PKIG: variants seen among roughly 807,000 people sequenced by gnomAD.
PKIG encodes protein kinase (cAMP-dependent, catalytic) inhibitor gamma.
Under a neutral mutation model 6.8 loss-of-function variants are expected in PKIG, and 1 was observed. The ratio of observed to expected loss-of-function variants is 0.15; its 90% CI spans 0.05 to 0.69. PKIG has a LOEUF of 0.69. PKIG is among the 30% of genes least tolerant of loss of function. PKIG has a pLI of 0.82. For missense variants in PKIG, 77 were observed against 104.0 expected (o/e 0.74, Z 1.13); for synonymous variants, 39 against 43.0 (o/e 0.91, Z 0.36).
At chr20:44,547,672 A>G (rs757388100) in intron 1 of PKIG, among the ~76,000 whole-genome samples, 1 of 152,188 alleles carries the variant, frequency 6.6e-6, no homozygotes, top group Non-Finnish European at 1.5e-5. Context: ...TAACTTGGTG[A>G]CTTTGGACAC....
At chr20:44,588,223 A>G (rs1257657355) in intron 1 of PKIG, among the ~76,000 whole-genome samples, 2 of 152,270 alleles carry the variant, frequency 1.3e-5, no homozygotes, top group Admixed American at 6.5e-5. Context: ...GATGTTAAAT[A>G]TAACAGGCAT....
At chr20:44,543,685 C>T (rs2064583292) in intron 1 of PKIG, among the ~76,000 whole-genome samples, 1 of 152,154 alleles carries the variant, frequency 6.6e-6, no homozygotes, top group Non-Finnish European at 1.5e-5. Context: ...TGGCTTCTTC[C>T]TCAGGCTAGC....
chr20:44,563,791 A>G (rs1377991126), intron 1 of PKIG, among the ~76,000 whole-genome samples: 19 of 152,166 alleles, frequency 1.2e-4, no homozygotes, highest in Admixed American at 1.1e-3. Context: ...TCAGCCTCCC[A>G]AAGTGCTGGG....
upstream of PKIG, among the ~76,000 whole-genome samples, chr20:44,578,168 A>C (rs369643352): frequency 6.6e-6 from 1 of 151,750 alleles, no homozygotes; most frequent in Non-Finnish European, 1.5e-5. Context: ...GTGAAACCCC[A>C]TCTCTACTAA....
intron 1 of PKIG, among the ~76,000 whole-genome samples, chr20:44,565,858 G>A (rs1291897605): frequency 1.3e-5 from 2 of 152,152 alleles, no homozygotes; most frequent in African/African-American, 2.4e-5. Flanking sequence ...CGCCTCCCGG[G>A]TTCAAGCAAT....
At chr20:44,593,188 G>C (rs1427254678) in intron 2 of PKIG, among the ~76,000 whole-genome samples, 1 of 151,896 alleles carries the variant, frequency 6.6e-6, no homozygotes, top group Non-Finnish European at 1.5e-5. Context: ...AAAGTAGCTG[G>C]GCATGGTGGC....
intron 1 of PKIG, among the ~76,000 whole-genome samples, chr20:44,562,351 C>T (rs1470680307): frequency 1.3e-5 from 2 of 151,704 alleles, no homozygotes; most frequent in African/African-American, 4.8e-5. Context: ...TGGGCCCAGC[C>T]TTTAATCCCA....
At chr20:44,600,287 G>A (rs1468391645) in intron 2 of PKIG, among the ~76,000 whole-genome samples, 1 of 152,178 alleles carries the variant, frequency 6.6e-6, no homozygotes, top group African/African-American at 2.4e-5. Context: ...TTCAGGGACT[G>A]GCATCAGGAG....
At chr20:44,551,681 C>G (rs180960574) in intron 1 of PKIG, among the ~76,000 whole-genome samples, 1 of 152,198 alleles carries the variant, frequency 6.6e-6, no homozygotes, top group Non-Finnish European at 1.5e-5. Flanking sequence ...CTCTAGCCAG[C>G]TGTGCCTGTT....
intron 2 of PKIG, among the ~76,000 whole-genome samples, chr20:44,602,712 A>G (rs924037233): frequency 6.6e-6 from 1 of 151,998 alleles, no homozygotes; most frequent in Non-Finnish European, 1.5e-5. Context: ...ATGTTGGTTC[A>G]TGCCTGTAAT....
At chr20:44,584,505 A>G (rs2064973531) in intron 1 of PKIG, among the ~76,000 whole-genome samples, 2 of 151,688 alleles carry the variant, frequency 1.3e-5, no homozygotes, top group African/African-American at 4.8e-5. Context: ...AAAAAAAAAA[A>G]AGCAAAAGAC....
At chr20:44,568,650 C>T (rs1451562151) in intron 1 of PKIG, among the ~76,000 whole-genome samples, 2 of 152,068 alleles carry the variant, frequency 1.3e-5, no homozygotes, top group Non-Finnish European at 2.9e-5. Flanking sequence ...GGCGTTTCAC[C>T]ATCTTGGCCA....
chr20:44,536,391 G>A (rs896126860), intron 1 of PKIG, among the ~76,000 whole-genome samples: 1 of 152,156 alleles, frequency 6.6e-6, no homozygotes, highest in Non-Finnish European at 1.5e-5. Context: ...GAAAAAAAAT[G>A]AGGAAGTATC....
intron 3 of PKIG, among the ~76,000 whole-genome samples, 184 bp from the exon 4 acceptor site, chr20:44,618,101 T>C (rs1265862437): frequency 6.6e-6 from 1 of 152,200 alleles, no homozygotes; most frequent in Admixed American, 6.5e-5. Flanking sequence ...TGTATTTCCA[T>C]GTAAAAAGAT....
rs11472265 is a variant in PKIG, at chr20:44,607,314, GGTGT to G, written c.-23-7205_-23-7202del. 5.4e-5 allele frequency among the ~76,000 whole-genome samples: 8 copies of G among 147,586 alleles called. No individual in the cohort carries two copies. The East Asian group carries it at 5.9e-4, about 11-fold the overall frequency. On this transcript the variant is annotated intron_variant, in intron 2 of 3. Transcript: ENST00000372886. The stretch of plus-strand genomic sequence containing the variant: ...CAGAGTGATCTACAGTTGTTTCCAA[GGTGT>G]GTGTGTGTGTGTGTTTGTGTGTGTA...
At chr20:44,556,473 C>T (rs1329486357) in intron 1 of PKIG, among the ~76,000 whole-genome samples, 3 of 152,118 alleles carry the variant, frequency 2.0e-5, no homozygotes, top group Admixed American at 6.5e-5. Flanking sequence ...AGTGATTCTC[C>T]TGTCTCAGCC....
At chr20:44,607,108 T>C (rs746532704) in intron 2 of PKIG, among the ~76,000 whole-genome samples, 23 of 152,118 alleles carry the variant, frequency 1.5e-4, no homozygotes, top group Non-Finnish European at 3.2e-4. Context: ...AAGTCACAGA[T>C]CCTTTGAGGT....
Position 44,534,718 on chromosome 20 carries a change from A to G in PKIG, c.-241+2740A>G, listed in dbSNP as rs190258102. Reference sequence around the variant, plus strand: ...TCCAGACCTCAAGTGATCCACCCGCATCGGCCTCCCAAGATGCTAGGATTA... The same window carrying G: ...TCCAGACCTCAAGTGATCCACCCGCGTCGGCCTCCCAAGATGCTAGGATTA... On this transcript the variant is annotated intron_variant, in intron 1 of 4. Coordinates refer to the PKIG transcript ENST00000372887. Among the ~76,000 whole-genome samples the G allele has an allele frequency of 5.3e-5, 8 of 152,168 alleles. No individual in the cohort carries two copies. In the East Asian group the frequency reaches 1.5e-3, roughly 29 times the overall value.
upstream of PKIG, among the ~76,000 whole-genome samples, chr20:44,579,005 C>G (rs924862823): frequency 1.3e-5 from 2 of 152,100 alleles, no homozygotes; most frequent in African/African-American, 4.8e-5. Flanking sequence ...ACCCCCGTCT[C>G]TACAACATAA....
Sources: gnomAD v4.1 joint callset for allele counts (sites outside exome capture counted in the v4.1 genomes callset) on GRCh38, gnomAD v4.1.1 for gene constraint, MANE v1.5 for transcripts, NCBI Gene and HGNC (gene_info 2026-07-23, HGNC 2026-07-21) for gene names.